The following PRKG1 variants were observed in gnomAD, a reference collection of about 807,000 sequenced individuals.
The protein encoded by PRKG1 is protein kinase cGMP-dependent 1, also known as cGMP-dependent protein kinase 1.
Under a neutral mutation model 88.1 loss-of-function variants are expected in PRKG1, and 35 were observed. That is an observed-to-expected ratio of 0.40 (90% CI 0.30 to 0.53). The LOEUF is 0.53. Among genes scored for constraint, PRKG1 ranks in the 20% least tolerant of loss-of-function variants. The pLI is 0.59. For missense variants in PRKG1, 540 were observed against 839.8 expected, an observed-to-expected ratio of 0.64 and a Z score of 4.41; for synonymous variants, 303 against 292.5, an observed-to-expected ratio of 1.04 and a Z score of -0.37.
intron 5 of PRKG1, among the ~76,000 whole-genome samples, chr10:52,014,432 A>G (rs1400094565): frequency 2.0e-5 from 3 of 152,172 alleles, no homozygotes; most frequent in Admixed American, 6.5e-5. Context: ...AACAGCCTCC[A>G]TGATCCAATC....
At chr10:51,996,891 C>A (rs1056341121) in intron 5 of PRKG1, among the ~76,000 whole-genome samples, 2 of 152,008 alleles carry the variant, frequency 1.3e-5, no homozygotes, top group South Asian at 2.1e-4. Context: ...CCTGAATGTT[C>A]ATCAAGGGAT....
chr10:51,737,496 G>T (rs1837309029), intron 3 of PRKG1, among the ~76,000 whole-genome samples: 1 of 152,070 alleles, frequency 6.6e-6, no homozygotes, highest in Non-Finnish European at 1.5e-5. Context: ...TCACATTGTT[G>T]TATTTCCCAT....
At chr10:51,440,339 G>A (rs1839064921) in intron 2 of PRKG1, among the ~76,000 whole-genome samples, 1 of 151,816 alleles carries the variant, frequency 6.6e-6, no homozygotes, top group Non-Finnish European at 1.5e-5. Flanking sequence ...TGCACATTCA[G>A]TACATCCCTG....
intron 3 of PRKG1, among the ~76,000 whole-genome samples, chr10:51,549,143 A>G (rs71508086): frequency 0.37 from 17,817 of 47,564 alleles, 2,294 homozygotes; most frequent in East Asian, 0.83. Context: ...TTTTTTTTTG[A>G]GACAGAGTCT....
chr10:51,114,529 T>A (rs1845061605), intron 1 of PRKG1, among the ~76,000 whole-genome samples: 1 of 151,984 alleles, frequency 6.6e-6, no homozygotes, highest in Admixed American at 6.6e-5. Flanking sequence ...ACAAGAGAAA[T>A]ATAAAGGTAA....
intron 10 of PRKG1, among the ~76,000 whole-genome samples, chr10:52,255,831 T>C (rs1247374623): frequency 2.6e-5 from 4 of 152,140 alleles, no homozygotes; most frequent in South Asian, 2.1e-4. Context: ...ATGAAACTAT[T>C]GAAGAAACAA....
intron 2 of PRKG1, among the ~76,000 whole-genome samples, chr10:51,262,806 A>T (rs914404292): frequency 1.3e-4 from 20 of 152,324 alleles, no homozygotes; most frequent in African/African-American, 4.8e-4. Context: ...TGAAGCCATC[A>T]GATCTCATGA....
chr10:52,035,836 C>T (rs1845594326), intron 5 of PRKG1, among the ~76,000 whole-genome samples: 1 of 152,210 alleles, frequency 6.6e-6, no homozygotes. Flanking sequence ...AGTATTAAAG[C>T]AGCGGGAGCC....
chr10:51,479,975 T>C (rs1457333350), intron 3 of PRKG1, among the ~76,000 whole-genome samples: 1 of 151,496 alleles, frequency 6.6e-6, no homozygotes, highest in African/African-American at 2.4e-5. Context: ...ATTATGTTGA[T>C]TGATTTTAAT....
intron 2 of PRKG1, among the ~76,000 whole-genome samples, chr10:51,269,883 C>T (rs557852721): frequency 6.6e-5 from 10 of 152,152 alleles, no homozygotes; most frequent in Non-Finnish European, 1.2e-4. Context: ...GAATCAAATG[C>T]TATCTTTAAA....
intron 3 of PRKG1, among the ~76,000 whole-genome samples, chr10:51,554,088 C>T (rs12241776): frequency 0.29 from 20,059 of 68,622 alleles, 5,755 homozygotes; most frequent in East Asian, 0.86. Context: ...GTATGTGATA[C>T]GTGTATATAT....
chr10:51,879,967 C>A (rs1307880793), intron 4 of PRKG1, among the ~76,000 whole-genome samples: 1 of 152,200 alleles, frequency 6.6e-6, no homozygotes, highest in African/African-American at 2.4e-5. Flanking sequence ...TTCTAGCAAG[C>A]ATCCTTTACA....
intron 7 of PRKG1, among the ~76,000 whole-genome samples, chr10:52,071,227 T>C (rs1026574197): frequency 6.6e-6 from 1 of 152,196 alleles, no homozygotes; most frequent in Non-Finnish European, 1.5e-5. Context: ...TTTAGGCTTC[T>C]AATACTCCCA....
intron 5 of PRKG1, among the ~76,000 whole-genome samples, chr10:52,052,934 G>A (rs1236599341): frequency 6.6e-6 from 1 of 152,142 alleles, no homozygotes; most frequent in Non-Finnish European, 1.5e-5. Flanking sequence ...TCTTAAAAAG[G>A]TTTTGGTTAA....
intron 7 of PRKG1, among the ~76,000 whole-genome samples, chr10:52,110,281 G>C (rs1847530748): frequency 6.6e-6 from 1 of 152,048 alleles, no homozygotes; most frequent in Admixed American, 6.5e-5. Flanking sequence ...GCAGTGAGCG[G>C]AGATCGCGCC....
chr10:51,065,693 T>C (rs1391871602), intron 1 of PRKG1, among the ~76,000 whole-genome samples: 1 of 152,126 alleles, frequency 6.6e-6, no homozygotes, highest in Non-Finnish European at 1.5e-5. Context: ...AATTGTTGAC[T>C]GTATTTACTC....
chr10:51,436,965 G>A lies in PRKG1; in HGVS notation c.479-30758G>A, dbSNP rs550701339. Among the ~76,000 whole-genome samples, 10 of 152,092 alleles carry A rather than the reference G, an allele frequency of 6.6e-5. No homozygotes were observed. The South Asian group carries it at 2.1e-3, about 32-fold the overall frequency. On this transcript the variant is annotated intron_variant, in intron 2 of 17. Coordinates refer to ENST00000373980, the MANE Select transcript of PRKG1 (RefSeq NM_006258.4). ...TATGCGACATGGAATTGGTAGCCAG[G>A]CCTTGTCACCCCTGGTCCATGTGCT...
rs543133940 is a variant in PRKG1 at position 51,413,866 on chromosome 10, G to C, written c.479-53857G>C. ...GTTTCTTTGCTGAGTTCTGTTTGTT[G>C]TTGCTGTTGTTGTTGTTAGTTTGAT... On this transcript the variant is annotated intron_variant, in intron 2 of 17. Transcript: ENST00000373980. 7.2e-5 allele frequency among the ~76,000 whole-genome samples: 11 copies of C among 152,204 alleles called. No individual in the cohort carries two copies. The South Asian group carries it at 2.3e-3, about 32-fold the overall frequency.
At chr10:51,528,758 C>A (rs559864240) in intron 3 of PRKG1, among the ~76,000 whole-genome samples, 1 of 152,156 alleles carries the variant, frequency 6.6e-6, no homozygotes, top group South Asian at 2.1e-4. Context: ...ATGCAGAGGA[C>A]AGCCCCAGGT....
Sources: gnomAD v4.1 joint callset for allele counts (sites outside exome capture counted in the v4.1 genomes callset) on GRCh38, gnomAD v4.1.1 for gene constraint, MANE v1.5 for transcripts, NCBI Gene and HGNC (gene_info 2026-07-23, HGNC 2026-07-21) for gene names.